OSCP1: variants seen among roughly 807,000 people sequenced by gnomAD.
OSCP1 encodes the protein protein OSCP1.
Under a neutral mutation model 45.1 loss-of-function variants are expected in OSCP1, and 35 were observed. That is an observed-to-expected ratio of 0.78 (90% confidence interval 0.59 to 1.03). The LOEUF (loss-of-function observed/expected upper bound fraction) is 1.03. Ranked by LOEUF, OSCP1 falls within the 50% of genes least tolerant of loss-of-function variation. The pLI, the probability that OSCP1 is intolerant of heterozygous loss-of-function variation, is 0.00. For missense variants in OSCP1, 400 were observed against 470.7 expected, an observed-to-expected ratio of 0.85 and a Z score of 1.39; for synonymous variants, 179 against 180.1, an observed-to-expected ratio of 0.99 and a Z score of 0.05.
At position 36,431,875 on chromosome 1, in the gene OSCP1, C is replaced by T. The variant is rs539778629; in HGVS notation, c.443G>A (p.Gly148Asp). 20 of 1,613,014 alleles carry T rather than the reference C, an allele frequency of 1.2e-5. No homozygotes were observed. The South Asian group carries it at 2.2e-4, about 18-fold the overall frequency. ...ETLRQLTEIY[G>D]GLSAGEFQLI... Reference sequence around the variant, plus strand: ...CTGGAACTCCCCTGCAGAGAGACCACCATATATCTGCCAAAGGCAAGCAGA... The same window carrying T: ...CTGGAACTCCCCTGCAGAGAGACCATCATATATCTGCCAAAGGCAAGCAGA... The change falls in exon 4 of 10, where the codon GGT becomes GAT. Residue 148 changes from glycine (G) to aspartate (D), a missense_variant. Physicochemically the swap from Gly to Asp is moderately conservative, Grantham distance 94 (BLOSUM62 -1). Coordinates refer to ENST00000235532, the MANE Select transcript of OSCP1 (RefSeq NM_145047.5).
At chr1:36,428,240 T>C in intron 4 of OSCP1, 3 of 1,235,896 alleles carry the variant, frequency 2.4e-6, no homozygotes, top group Non-Finnish European at 3.2e-6. Context: ...AGAATTGAAA[T>C]CTATTTATCT....
intron 1 of OSCP1, among the ~76,000 whole-genome samples, chr1:36,442,127 T>G (rs1570545566): frequency 6.6e-6 from 1 of 151,558 alleles, no homozygotes; most frequent in Middle Eastern, 3.4e-3. Flanking sequence ...CTCAGGAGGC[T>G]GAGGCAGGAG....
intron 1 of OSCP1, among the ~76,000 whole-genome samples, chr1:36,446,654 G>A (rs763130304): frequency 1.3e-5 from 2 of 152,130 alleles, no homozygotes; most frequent in Non-Finnish European, 2.9e-5. Context: ...TTGAGTGGGG[G>A]CAGGCCCAAG....
intron 2 of OSCP1, among the ~76,000 whole-genome samples, chr1:36,435,091 C>CTTTTTTTTTTTTTTTTT (rs201268337): frequency 1.4e-4 from 17 of 125,748 alleles, no homozygotes; most frequent in South Asian, 2.5e-4. Context: ...TTTTCTTTTT[C>CTTTTTTTTTTTTTTTTT]TTTTTTTTTT....
intron 4 of OSCP1, among the ~76,000 whole-genome samples, chr1:36,423,787 T>C (rs943194094): frequency 1.4e-4 from 22 of 152,026 alleles, no homozygotes; most frequent in African/African-American, 5.3e-4. Context: ...GGCAGGAGAA[T>C]TGCTTGAACC....
chr1:36,418,299 T>C (rs758280517), intron 9 of OSCP1, 44 bp from the exon 10 acceptor site: 23 of 1,584,206 alleles, frequency 1.5e-5, no homozygotes, highest in Non-Finnish European at 1.9e-5. Flanking sequence ...GAGGCTGTGC[T>C]GGCAGGCCGC....
intron 4 of OSCP1, among the ~76,000 whole-genome samples, chr1:36,428,016 C>T (rs1648090664): frequency 1.3e-5 from 2 of 151,636 alleles, no homozygotes; most frequent in African/African-American, 4.8e-5. Context: ...GGTTAAACCC[C>T]GTCTCTACTA....
chr1:36,442,039 C>A (rs927296318), intron 1 of OSCP1, among the ~76,000 whole-genome samples: 4 of 151,928 alleles, frequency 2.6e-5, no homozygotes, highest in Non-Finnish European at 5.9e-5. Flanking sequence ...ACCAGCCTGA[C>A]CAACATGGAG....
intron 4 of OSCP1, among the ~76,000 whole-genome samples, chr1:36,429,534 A>ACTTTTTTT (rs1648209933): frequency 1.4e-5 from 1 of 72,322 alleles, no homozygotes; most frequent in Non-Finnish European, 2.5e-5. Context: ...AGAAGCTTAG[A>ACTTTTTTT]ATTTTTTTTT....
chr1:36,444,072 A>G, intron 1 of OSCP1: 1 of 1,592,550 alleles, frequency 6.3e-7, no homozygotes, highest in Non-Finnish European at 8.6e-7. Context: ...CAGTTCATGA[A>G]GCAAGAACAT....
intron 4 of OSCP1, among the ~76,000 whole-genome samples, chr1:36,429,551 T>TC (rs1402072518): frequency 7.1e-6 from 1 of 140,204 alleles, no homozygotes; most frequent in Non-Finnish European, 1.5e-5. Context: ...TTTTTTTTTT[T>TC]TTTTTTTTTG....
rs557240257 is a variant in OSCP1 at position 36,447,051 on chromosome 1, C to G, written c.112+3207G>C. 6.6e-6 allele frequency among the ~76,000 whole-genome samples: 1 copy of G among 152,202 alleles called. No homozygotes were observed. The highest frequency in any genetic ancestry group is 2.1e-4 in the South Asian group (1 of 4,820). ...GGAACAGGGATGGCCTCCAGGAGAC[C>G]AATTAGTCGTATAAGATAATGAAAA... On this transcript the variant is annotated intron_variant, in intron 1 of 9. Coordinates refer to ENST00000235532, the MANE Select transcript of OSCP1 (RefSeq NM_145047.5). The surrounding 1 kb of genome is among the most constrained non-coding windows in gnomAD (Gnocchi z 4.1).
At chr1:36,418,716 A>G (rs1478038589) in intron 9 of OSCP1, 2 of 386,262 alleles carry the variant, frequency 5.2e-6, no homozygotes, top group East Asian at 9.4e-5. Context: ...CAGGAGTTTA[A>G]GACCAGCCTG....
chr1:36,450,448 C>T lies in OSCP1; in HGVS notation c.-79G>A. 1 of 1,208,280 alleles carries T rather than the reference C, an allele frequency of 8.3e-7. No homozygotes were observed. The highest frequency in any genetic ancestry group is 1.5e-5 in the African/African-American group (1 of 66,454). The allele number at this position is 1,208,280 out of a possible 1,614,324, so 74.8% of individuals were successfully genotyped here. ...GCCTGAAGGCCAGGCCGCAGCGTCC[C>T]AATAGTCCGGTTGCTGGGGCAACGC... On this transcript the variant is annotated 5_prime_UTR_variant, in exon 1 of 10. Transcript: ENST00000235532.
At chr1:36,418,949 G>T in intron 9 of OSCP1, 42 bp downstream of exon 9, 2 of 1,458,760 alleles carry the variant, frequency 1.4e-6, no homozygotes, top group Non-Finnish European at 1.9e-6. Flanking sequence ...AAAAGATGAG[G>T]AAGCGAATAC....
Position 36,432,584 on chromosome 1 carries a change from A to G in OSCP1, c.273T>C (p.Tyr91=), listed in dbSNP as rs771698761. ...ATTTGAAAGCCATGGTCATCAGGTC[A>G]TAGAGCTGCCAACCCACACACAAGC... ...KLNQASMDKL[Y]DLMTMAFKYQ... Residue 91 remains tyrosine, a synonymous_variant, in exon 3 of 10, where the codon TAT becomes TAC. Transcript: ENST00000235532. 7 of 1,614,198 alleles carry G rather than the reference A, an allele frequency of 4.3e-6. No individual in the cohort carries two copies. Among genetic ancestry groups the G allele is most frequent in the Non-Finnish European group, 5.1e-6 (6 of 1,180,038 alleles).
intron 2 of OSCP1, among the ~76,000 whole-genome samples, chr1:36,435,733 A>G (rs1177034624): frequency 6.6e-6 from 1 of 151,504 alleles, no homozygotes; most frequent in East Asian, 2.0e-4. Flanking sequence ...CCCGGGTTCA[A>G]GCAATTCTCC....
At position 36,422,155 on chromosome 1, in the gene OSCP1, T is replaced by G. The variant is rs547852096; in HGVS notation, c.814A>C (p.Thr272Pro). 6.2e-7 allele frequency: 1 copy of G among 1,613,952 alleles called. No homozygotes were observed. Among genetic ancestry groups the G allele is most frequent in the South Asian group, 1.1e-5 (1 of 91,078 alleles). The change falls in exon 7 of 10, where the codon ACC becomes CCC. Residue 272 changes from threonine to proline, a missense_variant. Thr to Pro is a conservative substitution (Grantham distance 38). Coordinates refer to ENST00000235532, the MANE Select transcript of OSCP1 (RefSeq NM_145047.5). ...CAAGGAAGGCAGAAGCTCACCTGGGTCCATGAGGCTAAGTTCTTTGATGAT... is the reference window on the plus strand; with the variant it reads ...CAAGGAAGGCAGAAGCTCACCTGGGGCCATGAGGCTAAGTTCTTTGATGAT... ...SGSSKNLASWTQESIAPNPLA... is the reference protein window; with the variant it reads ...SGSSKNLASWPQESIAPNPLA...
intron 1 of OSCP1, among the ~76,000 whole-genome samples, chr1:36,445,536 G>A (rs891754395): frequency 5.3e-5 from 8 of 152,106 alleles, no homozygotes; most frequent in African/African-American, 7.2e-5. Flanking sequence ...TGTCCTAACC[G>A]GCTGCAAAGG....
Sources: allele counts gnomAD v4.1 joint callset (sites outside exome capture counted in the v4.1 genomes callset), GRCh38; gene constraint gnomAD v4.1.1; non-coding constraint Gnocchi (gnomAD v3.1); transcripts MANE v1.5; gene names NCBI Gene and HGNC (gene_info 2026-07-23, HGNC 2026-07-21).